The following PPP3CA variants were observed in gnomAD, a reference collection of about 807,000 sequenced individuals.
The protein encoded by PPP3CA is CAM-PRP catalytic subunit.
In PPP3CA, 14 loss-of-function variants were observed where a neutral mutation model predicts 66.5. The observed-to-expected ratio is 0.21, with a 90% confidence interval of 0.14 to 0.33. PPP3CA has a LOEUF of 0.33. Among genes scored for constraint, PPP3CA ranks in the 10% least tolerant of loss-of-function variants. The pLI, the probability that PPP3CA is intolerant of heterozygous loss-of-function variation, is 1.00. For synonymous variants in PPP3CA, 232 were observed against 226.2 expected (o/e 1.03, Z -0.23); for missense variants, 317 against 639.5 (o/e 0.50, Z 5.44).
At chr4:101,135,625 A>G (rs1722597662) in intron 2 of PPP3CA, among the ~76,000 whole-genome samples, 1 of 152,220 alleles carries the variant, frequency 6.6e-6, no homozygotes. Flanking sequence ...AGGGCAGAAT[A>G]AAAGCAAATG....
chr4:101,209,629 C>A (rs1177153547), intron 1 of PPP3CA, among the ~76,000 whole-genome samples: 1 of 152,122 alleles, frequency 6.6e-6, no homozygotes, highest in East Asian at 1.9e-4. Flanking sequence ...ATTCCAGATG[C>A]TGCTATACAA....
intron 10 of PPP3CA, among the ~76,000 whole-genome samples, chr4:101,051,270 T>C (rs1378850696): frequency 6.6e-6 from 1 of 152,118 alleles, no homozygotes; most frequent in East Asian, 1.9e-4. Context: ...ATTTAAATTT[T>C]GTGGACATTT....
At chr4:101,291,270 G>GA (rs1470140335) in intron 1 of PPP3CA, among the ~76,000 whole-genome samples, 1 of 152,126 alleles carries the variant, frequency 6.6e-6, no homozygotes, top group African/African-American at 2.4e-5. Context: ...TTCTTCATTT[G>GA]AAAAAAGTCA....
At chr4:101,193,520 T>A (rs1198314334) in intron 2 of PPP3CA, among the ~76,000 whole-genome samples, 1 of 151,830 alleles carries the variant, frequency 6.6e-6, no homozygotes, top group Admixed American at 6.6e-5. Context: ...CTTGTCTGGA[T>A]AAACTTCATC....
intron 8 of PPP3CA, among the ~76,000 whole-genome samples, chr4:101,063,708 A>G (rs1362841091): frequency 6.6e-6 from 1 of 152,028 alleles, no homozygotes. Context: ...AAAGTGGCAC[A>G]GCTAAGTTTG....
intron 1 of PPP3CA, among the ~76,000 whole-genome samples, chr4:101,298,462 ACCT>A (rs2110296304): frequency 6.6e-6 from 1 of 151,726 alleles, no homozygotes; most frequent in East Asian, 1.9e-4. Context: ...CTCCCCTGCC[ACCT>A]CCTCTACCTA....
intron 1 of PPP3CA, among the ~76,000 whole-genome samples, chr4:101,328,001 A>G (rs1729258334): frequency 6.6e-6 from 1 of 152,208 alleles, no homozygotes; most frequent in African/African-American, 2.4e-5. Flanking sequence ...AAGAAGAAAA[A>G]GAAAATATGA....
chr4:101,043,581 T>C (rs2110212905), intron 10 of PPP3CA, among the ~76,000 whole-genome samples: 1 of 152,112 alleles, frequency 6.6e-6, no homozygotes, highest in Admixed American at 6.5e-5. Context: ...AACTCTCCTT[T>C]TCAAATTTCT....
chr4:101,279,330 C>G (rs983752408), intron 1 of PPP3CA, among the ~76,000 whole-genome samples: 4 of 152,048 alleles, frequency 2.6e-5, no homozygotes, highest in African/African-American at 9.7e-5. Context: ...AATTAAGGAT[C>G]TAAGGAATGA....
rs184971964 is a variant in PPP3CA at position 101,174,129 on chromosome 4, C to T, written c.259+21787G>A. ...CAGAAAAACAAACTAACAAAAAAAACCACGTTGTTAACAAATAGTTTGGAA... is the reference window on the plus strand; with the variant it reads ...CAGAAAAACAAACTAACAAAAAAAATCACGTTGTTAACAAATAGTTTGGAA... On this transcript the variant is annotated intron_variant, in intron 2 of 13. Transcript: ENST00000394854. Among the ~76,000 whole-genome samples, 348 of 150,464 alleles carry T rather than the reference C, an allele frequency of 2.3e-3. 3 individuals carry two copies. The highest frequency in any genetic ancestry group is 8.2e-3 in the African/African-American group (330 of 40,348).
At chr4:101,080,382 G>T in intron 8 of PPP3CA, 150 bp downstream of exon 8, 1 of 367,706 alleles carries the variant, frequency 2.7e-6, no homozygotes. Context: ...GTATCTTTGA[G>T]GATAATCACA....
In PPP3CA at chr4:101,080,525, C is replaced by T. The variant is rs750959711; in HGVS notation, c.955+7G>A. Reference sequence around the variant, plus strand: ...TAAGACTGCAAGAGGTATTTAAAAACACTTACCTTTGTTATTGTATACATC... The same window carrying T: ...TAAGACTGCAAGAGGTATTTAAAAATACTTACCTTTGTTATTGTATACATC... On this transcript the variant is annotated splice_region_variant and intron_variant, in intron 8 of 13. Coordinates refer to ENST00000394854, the MANE Select transcript of PPP3CA (RefSeq NM_000944.5). 3.5e-5 allele frequency: 49 copies of T among 1,403,504 alleles called. No homozygotes were observed. The highest frequency in any genetic ancestry group is 4.6e-5 in the Non-Finnish European group (48 of 1,036,362). 86.9% of individuals were successfully genotyped at this position (1,403,504 alleles called of 1,614,324 possible).
At chr4:101,133,922 G>A (rs776197363) in intron 2 of PPP3CA, among the ~76,000 whole-genome samples, 6 of 151,976 alleles carry the variant, frequency 3.9e-5, no homozygotes, top group East Asian at 1.9e-4. Flanking sequence ...AACAGAACAC[G>A]GGCATCAGAA....
intron 1 of PPP3CA, among the ~76,000 whole-genome samples, chr4:101,321,857 TGAA>T (rs994792283): frequency 1.3e-5 from 2 of 152,142 alleles, no homozygotes; most frequent in Non-Finnish European, 2.9e-5. Context: ...CAGTACTCTG[TGAA>T]GAAAGAGGAA....
chr4:101,171,000 G>T (rs1723860099), intron 2 of PPP3CA: 1 of 282,376 alleles, frequency 3.5e-6, no homozygotes, highest in Non-Finnish European at 7.1e-6. Flanking sequence ...ATTTAAAAAG[G>T]AATTAACTAG....
chr4:101,028,980 G>C, intron 13 of PPP3CA, among the ~76,000 whole-genome samples, 186 bp downstream of exon 13: 1 of 152,180 alleles, frequency 6.6e-6, no homozygotes, highest in Non-Finnish European at 1.5e-5. Flanking sequence ...TTAAGGGAAA[G>C]AAACAAACAA....
intron 9 of PPP3CA, among the ~76,000 whole-genome samples, chr4:101,062,839 C>A (rs1728528157): frequency 6.6e-6 from 1 of 151,876 alleles, no homozygotes; most frequent in African/African-American, 2.4e-5. Context: ...CATGGCTATC[C>A]TAATCTTTTA....
In PPP3CA at chr4:101,023,730, C is replaced by T. The variant is rs566351193; in HGVS notation, c.*2135G>A. ...AGTCTTTGCCAGACTGTATCGAGAA[C>T]ATCTTTGTTTGGGTATGCTATATCG... On this transcript the variant is annotated 3_prime_UTR_variant, in exon 14 of 14. Coordinates refer to ENST00000394854, the MANE Select transcript of PPP3CA (RefSeq NM_000944.5). 4 of 152,734 alleles carry T rather than the reference C, an allele frequency of 2.6e-5. No individual in the cohort carries two copies. The highest frequency in any genetic ancestry group is 9.6e-5 in the African/African-American group (4 of 41,564). The allele number at this position is 152,734 out of a possible 1,614,324, so 9.5% of individuals were successfully genotyped here.
intron 2 of PPP3CA, among the ~76,000 whole-genome samples, chr4:101,163,947 A>C (rs971887437): frequency 6.6e-6 from 1 of 151,762 alleles, no homozygotes; most frequent in African/African-American, 2.4e-5. Context: ...AGTTGGTATA[A>C]GACACAGTTT....
Sources: gnomAD v4.1 joint callset for allele counts (sites outside exome capture counted in the v4.1 genomes callset) on GRCh38, gnomAD v4.1.1 for gene constraint, MANE v1.5 for transcripts, NCBI Gene and HGNC (gene_info 2026-07-23, HGNC 2026-07-21) for gene names.